Variants in GRM1 observed in about 807,000 individuals in gnomAD.
The protein encoded by GRM1 is glutamate metabotropic receptor 1.
In GRM1, 33 loss-of-function variants were observed where a neutral mutation model predicts 90.9. The ratio of observed to expected loss-of-function variants is 0.36; its 90% CI spans 0.28 to 0.49. The LOEUF is 0.49. Ranked by LOEUF, GRM1 falls within the 20% of genes least tolerant of loss-of-function variation. The pLI is 0.99. For missense variants in GRM1, 1,190 were observed against 1,534.3 expected, an observed-to-expected ratio of 0.78 and a Z score of 3.75; for synonymous variants, 700 against 613.2, an observed-to-expected ratio of 1.14 and a Z score of -2.09.
intron 3 of GRM1, among the ~76,000 whole-genome samples, chr6:146,340,250 G>A (rs1348957487): frequency 6.6e-6 from 1 of 152,022 alleles, no homozygotes; most frequent in African/African-American, 2.4e-5. Flanking sequence ...CTTTTCCCTG[G>A]TTTTTCTTTC....
intron 1 of GRM1, among the ~76,000 whole-genome samples, chr6:146,127,354 A>G (rs1208289220): frequency 1.3e-5 from 2 of 152,190 alleles, no homozygotes; most frequent in Admixed American, 1.3e-4. Context: ...TTCAGAAATC[A>G]GAAAAGGCAG....
chr6:146,199,992 G>C (rs1304345313), intron 2 of GRM1, among the ~76,000 whole-genome samples: 1 of 152,194 alleles, frequency 6.6e-6, no homozygotes, highest in African/African-American at 2.4e-5. Context: ...CTAGGGAAGA[G>C]TGTACTACAT....
chr6:146,262,632 T>G (rs1007246581), intron 2 of GRM1, among the ~76,000 whole-genome samples: 4 of 151,914 alleles, frequency 2.6e-5, no homozygotes, highest in Non-Finnish European at 5.9e-5. Context: ...ATTTTCTCTG[T>G]GTATGTGTAT....
chr6:146,426,908 G>C (rs573109963), intron 7 of GRM1, among the ~76,000 whole-genome samples: 1 of 151,346 alleles, frequency 6.6e-6, no homozygotes, highest in Non-Finnish European at 1.5e-5. Context: ...ACTTTTGTTT[G>C]TGACTCCCAC....
At chr6:146,264,395 A>T (rs1020593919) in intron 2 of GRM1, among the ~76,000 whole-genome samples, 14 of 152,288 alleles carry the variant, frequency 9.2e-5, no homozygotes, top group Middle Eastern at 3.4e-3. Flanking sequence ...TAAAAACATG[A>T]CAGTAAGATT....
rs1038041360 is a variant in GRM1 at position 146,397,473 on chromosome 6, C to T, written c.1730-1296C>T. On this transcript the variant is annotated intron_variant, in intron 6 of 7. Transcript: ENST00000282753. ...TGGGCAACAGAGTGAGACCCCGTCT[C>T]AAAAAAAAAAGAAAAAAAAAAAAAA... is the stretch of plus-strand genomic sequence containing the variant. Among the ~76,000 whole-genome samples, 10 of 16,762 alleles carry T rather than the reference C, an allele frequency of 6.0e-4. 1 individual carries two copies. Among genetic ancestry groups the T allele is most frequent in the African/African-American group, 2.0e-3 (9 of 4,576 alleles). The allele number at this position is 16,762 out of a possible 152,430, so 11.0% of individuals were successfully genotyped here.
chr6:146,038,208 G>A (rs548221243), intron 1 of GRM1, among the ~76,000 whole-genome samples: 2 of 152,012 alleles, frequency 1.3e-5, no homozygotes, highest in South Asian at 4.1e-4. Flanking sequence ...GGTTAACAGT[G>A]GGAGATGACA....
At chr6:146,134,489 G>A (rs1776532896) in intron 1 of GRM1, among the ~76,000 whole-genome samples, 1 of 152,106 alleles carries the variant, frequency 6.6e-6, no homozygotes, top group South Asian at 2.1e-4. Context: ...GGGGTGGCTT[G>A]GGAGGCCTCA....
At chr6:146,066,788 G>A (rs1296155227) in intron 1 of GRM1, among the ~76,000 whole-genome samples, 1 of 152,070 alleles carries the variant, frequency 6.6e-6, no homozygotes, top group Non-Finnish European at 1.5e-5. Context: ...GAGAGAGAGA[G>A]AGAGAGAACA....
At chr6:146,129,743 C>G (rs542910025) in intron 1 of GRM1, among the ~76,000 whole-genome samples, 57 of 152,220 alleles carry the variant, frequency 3.7e-4, no homozygotes, top group African/African-American at 1.3e-3. Flanking sequence ...TTAGGATCTC[C>G]CTATGGCAGA....
chr6:146,349,178 T>G (rs1785293974), intron 3 of GRM1, among the ~76,000 whole-genome samples: 1 of 150,542 alleles, frequency 6.6e-6, no homozygotes, highest in Admixed American at 6.6e-5. Flanking sequence ...GCCATTCTCC[T>G]GCCTCAGCCT....
At position 146,029,279 on chromosome 6, in the gene GRM1, A is replaced by C; in HGVS notation, c.-239A>C. On this transcript the variant is annotated 5_prime_UTR_variant, in exon 1 of 8. Transcript: ENST00000282753. ...GATGCACTACCGGTGAAGAACGGGGACTCGAATTCCCTTACAAACGCCTCC... is the reference window on the plus strand; with the variant it reads ...GATGCACTACCGGTGAAGAACGGGGCCTCGAATTCCCTTACAAACGCCTCC... 1 of 570,434 alleles carries C rather than the reference A, an allele frequency of 1.8e-6. No individual in the cohort carries two copies. Among genetic ancestry groups the C allele is most frequent in the Non-Finnish European group, 3.1e-6 (1 of 318,596 alleles). 35.3% of individuals were successfully genotyped at this position (570,434 alleles called of 1,614,324 possible).
At chr6:146,272,167 G>T (rs114304880) in intron 2 of GRM1, among the ~76,000 whole-genome samples, 1,843 of 152,250 alleles carry the variant, frequency 0.012, 23 homozygotes, top group African/African-American at 0.042. Context: ...AATTAGAAAA[G>T]ATTTAAGAAA....
intron 5 of GRM1, among the ~76,000 whole-genome samples, chr6:146,361,598 C>A (rs1487063969): frequency 6.6e-6 from 1 of 152,150 alleles, no homozygotes; most frequent in African/African-American, 2.4e-5. Context: ...TAAGCAAGTA[C>A]AATAGATGAT....
At chr6:146,071,364 G>C (rs1387980464) in intron 1 of GRM1, among the ~76,000 whole-genome samples, 1 of 152,064 alleles carries the variant, frequency 6.6e-6, no homozygotes, top group East Asian at 1.9e-4. Flanking sequence ...CTTATTTTCT[G>C]GTAGAAGAAG....
At chr6:146,346,851 CA>C (rs1785205560) in intron 3 of GRM1, among the ~76,000 whole-genome samples, 1 of 152,038 alleles carries the variant, frequency 6.6e-6, no homozygotes, top group African/African-American at 2.4e-5. Flanking sequence ...TTCTGTCAGG[CA>C]AAAATAAGCA....
intron 2 of GRM1, among the ~76,000 whole-genome samples, chr6:146,191,176 G>T (rs929371633): frequency 2.0e-5 from 3 of 152,126 alleles, no homozygotes; most frequent in Non-Finnish European, 4.4e-5. Flanking sequence ...CCTTAGTCTG[G>T]ATTAGGCTTC....
At chr6:146,170,469 T>C (rs1159559730) in intron 2 of GRM1, among the ~76,000 whole-genome samples, 1 of 152,160 alleles carries the variant, frequency 6.6e-6, no homozygotes, top group East Asian at 1.9e-4. Context: ...TTTATTGTTG[T>C]TCTATTTTCT....
intron 2 of GRM1, among the ~76,000 whole-genome samples, chr6:146,162,935 A>G (rs932854735): frequency 5.9e-5 from 9 of 152,150 alleles, no homozygotes; most frequent in African/African-American, 2.2e-4. Context: ...TTCTATTAAA[A>G]TAAAATATTT....
Sources: gnomAD v4.1 joint callset for allele counts (sites outside exome capture counted in the v4.1 genomes callset) on GRCh38, gnomAD v4.1.1 for gene constraint, MANE v1.5 for transcripts, NCBI Gene and HGNC (gene_info 2026-07-23, HGNC 2026-07-21) for gene names.